The following ADCY3 variants were observed in gnomAD, a reference collection of about 807,000 sequenced individuals.
ADCY3 encodes the protein adenylate cyclase type 3.
ADCY3 carries 70 observed loss-of-function variants against 119.4 expected under a neutral mutation model. The observed-to-expected ratio is 0.59, with a 90% CI of 0.48 to 0.72. The LOEUF is 0.72. Among genes scored for constraint, ADCY3 ranks in the 30% least tolerant of loss-of-function variants. The pLI is 0.00. For missense variants in ADCY3, 1,238 were observed against 1,541.6 expected (o/e 0.80, Z 3.30); for synonymous variants, 672 against 621.4 (o/e 1.08, Z -1.21).
intron 3 of ADCY3, among the ~76,000 whole-genome samples, chr2:24,865,320 C>CG (rs1674142318): frequency 6.6e-6 from 1 of 152,076 alleles, no homozygotes; most frequent in African/African-American, 2.4e-5. Flanking sequence ...TGGTGCATGC[C>CG]TATAGTCCCA....
chr2:24,852,348 CA>C (rs1672409876), intron 3 of ADCY3, among the ~76,000 whole-genome samples: 1 of 152,184 alleles, frequency 6.6e-6, no homozygotes, highest in Non-Finnish European at 1.5e-5. Context: ...GTGGGGGGTA[CA>C]GGGGCAGTGG....
Position 24,834,423 on chromosome 2 carries a change from G to GCCCC in ADCY3, c.1967+58_1967+61dup. 1 of 1,388,736 alleles carries GCCCC rather than the reference G, an allele frequency of 7.2e-7. No homozygotes were observed. The allele number at this position is 1,388,736 out of a possible 1,614,324, so 86.0% of individuals were successfully genotyped here. ...GGCTCCCGCTGAGACACCTGCCCCC[G>GCCCC]CCCCCCGCCCGGCACCACCGCAGCC... On this transcript the variant is annotated intron_variant, in intron 11 of 21. Coordinates refer to ENST00000679454, the MANE Select transcript of ADCY3 (RefSeq NM_004036.5). The surrounding 1 kb of genome is among the most constrained non-coding windows in gnomAD (Gnocchi z 4.2).
intron 18 of ADCY3, 72 bp downstream of exon 18, chr2:24,823,137 C>T: frequency 6.6e-7 from 1 of 1,520,780 alleles, no homozygotes; most frequent in East Asian, 2.3e-5. Flanking sequence ...CTGGCCTCTG[C>T]AGCCTATTGT....
chr2:24,918,703 C>G lies in ADCY3; in HGVS notation c.285G>C (p.Met95Ile). The change falls in exon 2 of 22, where the codon ATG becomes ATC. Residue 95 changes from methionine to isoleucine, a missense_variant. Transcript: ENST00000679454. The surrounding 1 kb of genome is among the most constrained non-coding windows in gnomAD (Gnocchi z 5.4). ...AALFDCYVVV[M>I]CAVVFSSDKL... ...TGTCGCTGGAGAAGACCACAGCACA[C>G]ATGACCACCACGTAGCAGTCAAAGA... 1 of 1,614,108 alleles carries G rather than the reference C, an allele frequency of 6.2e-7. No individual in the cohort carries two copies. Among genetic ancestry groups the G allele is most frequent in the Non-Finnish European group, 8.5e-7 (1 of 1,180,016 alleles).
In ADCY3 at chr2:24,824,464, T is replaced by G; in HGVS notation, c.2650A>C (p.Met884Leu). 1 of 1,614,224 alleles carries G rather than the reference T, an allele frequency of 6.2e-7. No homozygotes were observed. The stretch of plus-strand genomic sequence containing the variant: ...ACCAAGGCCTCGTTCCAGCGTCGCA[T>G]CTCATAGACACGTTCCTTCTGGTCG... Reference protein sequence around the residue: ...VHDQKERVYEMRRWNEALVTN... With the variant: ...VHDQKERVYELRRWNEALVTN... Residue 884 changes from methionine to leucine, a missense_variant, in exon 17 of 22, where the codon ATG (methionine) becomes CTG (leucine). Transcript: ENST00000679454.
chr2:24,821,441 G>A (rs2148344257), intron 20 of ADCY3, 76 bp downstream of exon 20: 2 of 1,576,156 alleles, frequency 1.3e-6, no homozygotes, highest in Non-Finnish European at 1.7e-6. Flanking sequence ...TGAGCCTCAT[G>A]TCTCTCCTGG....
intron 19 of ADCY3, chr2:24,822,256 AGG>A (rs1051392419): frequency 1.0e-5 from 4 of 386,898 alleles, no homozygotes; most frequent in African/African-American, 6.1e-5. Flanking sequence ...ACAGAGCCTT[AGG>A]GGGCCTGGCC....
chr2:24,889,511 G>A (rs1222611975), intron 2 of ADCY3, among the ~76,000 whole-genome samples: 1 of 152,162 alleles, frequency 6.6e-6, no homozygotes, highest in Non-Finnish European at 1.5e-5. Context: ...TGTCTCAGCA[G>A]GCTTCAGCTG....
At chr2:24,889,637 G>A (rs1677449118) in intron 2 of ADCY3, among the ~76,000 whole-genome samples, 1 of 152,212 alleles carries the variant, frequency 6.6e-6, no homozygotes, top group South Asian at 2.1e-4. Context: ...AGGAGTTTGA[G>A]ACCAGCCTGG....
At position 24,836,970 on chromosome 2, in the gene ADCY3, T is replaced by A; in HGVS notation, c.1609A>T (p.Ser537Cys). 6.2e-7 allele frequency: 1 copy of A among 1,613,992 alleles called. No individual in the cohort carries two copies. Among genetic ancestry groups the A allele is most frequent in the Non-Finnish European group, 8.5e-7 (1 of 1,180,028 alleles). The change falls in exon 9 of 22, where the codon AGT becomes TGT. Residue 537 changes from serine to cysteine, a missense_variant. Transcript: ENST00000679454. ...ALIETKEPNG[S>C]AHSSGSTSEK... ...GACGTGGACCCACTGCTGTGGGCAC[T>A]CCCGTTGGGCTCCTTGGTCTCAATG...
intron 6 of ADCY3, chr2:24,840,446 G>A (rs1370391425): frequency 5.0e-6 from 2 of 399,424 alleles, no homozygotes; most frequent in South Asian, 1.9e-5. Flanking sequence ...GGGAGAGAAT[G>A]TTAGAGTTCC....
At chr2:24,861,062 C>T (rs1259127640) in intron 3 of ADCY3, among the ~76,000 whole-genome samples, 3 of 152,150 alleles carry the variant, frequency 2.0e-5, no homozygotes, top group Admixed American at 6.5e-5. Context: ...ACCAGCTTGG[C>T]CAACATGGTG....
chr2:24,825,335 G>C (rs1180536299), intron 16 of ADCY3, among the ~76,000 whole-genome samples: 1 of 10,180 alleles, frequency 9.8e-5, no homozygotes, highest in African/African-American at 2.6e-4. Flanking sequence ...TGGTTGTGGC[G>C]GGGGGGGGGG....
At chr2:24,870,321 CAAAAAAAAAA>C (rs34685288) in intron 3 of ADCY3, among the ~76,000 whole-genome samples, 50 of 87,286 alleles carry the variant, frequency 5.7e-4, no homozygotes, top group African/African-American at 2.0e-3. Flanking sequence ...GACTCCATGT[CAAAAAAAAAA>C]AAAAAAAAAG....
At chr2:24,861,238 G>C (rs1232482146) in intron 3 of ADCY3, among the ~76,000 whole-genome samples, 4 of 122,492 alleles carry the variant, frequency 3.3e-5, no homozygotes, top group African/African-American at 1.3e-4. Flanking sequence ...GCGAAAGAGT[G>C]AGACTCCATC....
At position 24,898,971 on chromosome 2, in the gene ADCY3, AC is replaced by A; in HGVS notation, c.675+19341del. On this transcript the variant is annotated intron_variant, in intron 2 of 21. Transcript: ENST00000679454. This position sits in a 1 kb window ranked among gnomAD's most constrained non-coding sequence, Gnocchi z 4.3. Reference sequence around the variant, plus strand: ...CTCCACCACCATTCTCCCTGTTCTCACCACACAACCACGCACTCAATAGCCT... The same window carrying A: ...CTCCACCACCATTCTCCCTGTTCTCACACACAACCACGCACTCAATAGCCT... 6.6e-6 allele frequency among the ~76,000 whole-genome samples: 1 copy of A among 152,028 alleles called. No homozygotes were observed. The highest frequency in any genetic ancestry group is 1.5e-5 in the Non-Finnish European group (1 of 67,986).
At chr2:24,883,131 C>T (rs538427363) in intron 2 of ADCY3, among the ~76,000 whole-genome samples, 32 of 151,374 alleles carry the variant, frequency 2.1e-4, no homozygotes, top group Admixed American at 5.3e-4. Context: ...GGGCAGATCA[C>T]GAGGTCAGGA....
In ADCY3 at chr2:24,834,249, C is replaced by T. The variant is rs1039841577; in HGVS notation, c.1967+236G>A. Among the ~76,000 whole-genome samples the T allele has an allele frequency of 5.9e-5, 9 of 152,324 alleles. No individual in the cohort carries two copies. The highest frequency in any genetic ancestry group is 2.2e-4 in the African/African-American group (9 of 41,576). Reference sequence around the variant, plus strand: ...TGTCCCTCAGCTCTCTTGATCCTGGCCAGATCCCCATTCTGACGCTAGGAC... The same window carrying T: ...TGTCCCTCAGCTCTCTTGATCCTGGTCAGATCCCCATTCTGACGCTAGGAC... On this transcript the variant is annotated intron_variant, in intron 11 of 21. Transcript: ENST00000679454. This position sits in a 1 kb window ranked among gnomAD's most constrained non-coding sequence, Gnocchi z 4.2.
intron 2 of ADCY3, among the ~76,000 whole-genome samples, chr2:24,886,169 T>C (rs1676998192): frequency 6.6e-6 from 1 of 152,254 alleles, no homozygotes; most frequent in Admixed American, 6.5e-5. Context: ...CCCCACTGTG[T>C]TCCCAGCACT....
Sources: gnomAD v4.1 joint callset for allele counts (sites outside exome capture counted in the v4.1 genomes callset) on GRCh38, gnomAD v4.1.1 for gene constraint, Gnocchi (gnomAD v3.1) non-coding constraint, MANE v1.5 for transcripts, NCBI Gene and HGNC (gene_info 2026-07-23, HGNC 2026-07-21) for gene names.